NKAIN3: variants seen among roughly 807,000 people sequenced by gnomAD.
NKAIN3 encodes sodium/potassium-transporting ATPase subunit beta-1-interacting protein 3.
In NKAIN3, 25 loss-of-function variants were observed where a neutral mutation model predicts 30.2. That is an observed-to-expected ratio of 0.83 (90% CI 0.60 to 1.16). NKAIN3 has a LOEUF of 1.16. NKAIN3 is among the 50% of genes most tolerant of loss of function. The pLI is 0.00. For synonymous variants in NKAIN3, 91 were observed against 89.6 expected (o/e 1.02, Z -0.09); for missense variants, 225 against 254.1 (o/e 0.89, Z 0.78).
At chr8:62,623,726 T>C (rs899308313) in intron 3 of NKAIN3, among the ~76,000 whole-genome samples, 2 of 152,002 alleles carry the variant, frequency 1.3e-5, no homozygotes, top group African/African-American at 4.8e-5. Flanking sequence ...TCCTCCACTT[T>C]TGAAGGATAA....
intron 1 of NKAIN3, among the ~76,000 whole-genome samples, chr8:62,277,966 C>G (rs1034956196): frequency 6.6e-6 from 1 of 152,004 alleles, no homozygotes; most frequent in African/African-American, 2.4e-5. Context: ...GAACCTGGAG[C>G]CCAACCGGAG....
At chr8:62,465,898 C>T (rs1806147277) in intron 1 of NKAIN3, among the ~76,000 whole-genome samples, 1 of 152,030 alleles carries the variant, frequency 6.6e-6, no homozygotes, top group Non-Finnish European at 1.5e-5. Flanking sequence ...TGGCACACAC[C>T]TGTAATCCCA....
chr8:62,394,941 T>TG (rs1289800506), intron 1 of NKAIN3, among the ~76,000 whole-genome samples: 2 of 143,808 alleles, frequency 1.4e-5, no homozygotes, highest in East Asian at 4.3e-4. Context: ...TCTCAGATGG[T>TG]GGGGCAGCCA....
chr8:62,459,705 G>T (rs1223017152), intron 1 of NKAIN3, among the ~76,000 whole-genome samples: 1 of 152,166 alleles, frequency 6.6e-6, no homozygotes, highest in East Asian at 1.9e-4. Context: ...ATGGGAAAAT[G>T]GAGTATGCAA....
chr8:62,798,324 C>A (rs1023610424), intron 4 of NKAIN3, among the ~76,000 whole-genome samples: 7 of 152,140 alleles, frequency 4.6e-5, no homozygotes, highest in African/African-American at 1.7e-4. Context: ...GTAATCCCAG[C>A]ACTTTGGGAG....
chr8:62,885,817 T>C (rs1220241946), intron 4 of NKAIN3, among the ~76,000 whole-genome samples: 1 of 152,214 alleles, frequency 6.6e-6, no homozygotes, highest in African/African-American at 2.4e-5. Flanking sequence ...TTCTTTTGAT[T>C]AATGTTAACA....
At chr8:62,408,949 C>G (rs747503165) in intron 1 of NKAIN3, among the ~76,000 whole-genome samples, 55 of 152,186 alleles carry the variant, frequency 3.6e-4, no homozygotes, top group Non-Finnish European at 6.6e-4. Flanking sequence ...TGTCAAGACC[C>G]ATCTGAAAAC....
chr8:62,258,222 A>C (rs771114359), intron 1 of NKAIN3, among the ~76,000 whole-genome samples: 24 of 152,190 alleles, frequency 1.6e-4, no homozygotes, highest in Non-Finnish European at 2.5e-4. Context: ...ACATTAATAA[A>C]AACATTGCAT....
intron 1 of NKAIN3, among the ~76,000 whole-genome samples, chr8:62,576,035 C>T (rs746283885): frequency 3.3e-5 from 5 of 152,050 alleles, no homozygotes; most frequent in Non-Finnish European, 5.9e-5. Flanking sequence ...ACTAGGGAAA[C>T]TCTCCAGGTC....
chr8:62,280,169 T>G (rs1813127869), intron 1 of NKAIN3, among the ~76,000 whole-genome samples: 1 of 92,978 alleles, frequency 1.1e-5, no homozygotes, highest in Non-Finnish European at 2.5e-5. Flanking sequence ...GATTTGGCTC[T>G]CTGTTTGTCT....
chr8:62,378,311 GT>G (rs1358448436), intron 1 of NKAIN3, among the ~76,000 whole-genome samples: 4 of 152,180 alleles, frequency 2.6e-5, no homozygotes, highest in African/African-American at 9.7e-5. Context: ...GATCATAAAA[GT>G]TTGAAAAATT....
At chr8:62,925,527 G>T (rs554638862) in intron 5 of NKAIN3, among the ~76,000 whole-genome samples, 24 of 152,260 alleles carry the variant, frequency 1.6e-4, no homozygotes, top group Middle Eastern at 3.4e-3. Flanking sequence ...AAAAACTTGA[G>T]ACCAGCAAGC....
chr8:62,708,222 C>T (rs1160153366), intron 3 of NKAIN3, among the ~76,000 whole-genome samples: 1 of 151,998 alleles, frequency 6.6e-6, no homozygotes, highest in Admixed American at 6.6e-5. Context: ...TTTTTTGATA[C>T]CATATGAAGT....
intron 3 of NKAIN3, among the ~76,000 whole-genome samples, chr8:62,709,354 C>T (rs562313181): frequency 9.9e-5 from 15 of 152,076 alleles, no homozygotes; most frequent in Non-Finnish European, 2.2e-4. Context: ...TGGTCCTGGA[C>T]TTTCCTTTGC....
At chr8:62,484,828 A>C (rs1243943123) in intron 1 of NKAIN3, among the ~76,000 whole-genome samples, 2 of 152,190 alleles carry the variant, frequency 1.3e-5, no homozygotes, top group Admixed American at 1.3e-4. Context: ...GGTGTCTTCC[A>C]TCACAGCAAG....
rs936670400 is a variant in NKAIN3, at chr8:62,670,990, G to A, written c.274-75942G>A. Among the ~76,000 whole-genome samples the A allele has an allele frequency of 3.3e-5, 5 of 152,008 alleles. No individual in the cohort carries two copies. The East Asian group carries it at 5.8e-4, about 18-fold the overall frequency. ...AAAATTGAACATTTACAGTGAACTT[G>A]TGTGAAAAAATAGTGGCATGACAGA... On this transcript the variant is annotated intron_variant, in intron 3 of 6. Coordinates refer to ENST00000623646, the MANE Select transcript of NKAIN3 (RefSeq NM_001304533.3).
At chr8:62,600,892 A>G (rs188458394) in intron 3 of NKAIN3, among the ~76,000 whole-genome samples, 26 of 152,100 alleles carry the variant, frequency 1.7e-4, no homozygotes, top group Non-Finnish European at 3.5e-4. Context: ...CTTATTACTT[A>G]CCTTGAATTG....
chr8:62,888,480 G>A (rs879271217), intron 4 of NKAIN3, among the ~76,000 whole-genome samples: 4 of 152,126 alleles, frequency 2.6e-5, no homozygotes, highest in Non-Finnish European at 5.9e-5. Flanking sequence ...TTTCTACCCG[G>A]TTTAGGTTTC....
intron 5 of NKAIN3, among the ~76,000 whole-genome samples, chr8:62,942,221 T>TAC (rs1232989942): frequency 5.8e-5 from 2 of 34,214 alleles, no homozygotes; most frequent in Admixed American, 2.5e-4. Context: ...TACACATATA[T>TAC]ATACATATAT....
Sources: gnomAD v4.1 joint callset for allele counts (sites outside exome capture counted in the v4.1 genomes callset) on GRCh38, gnomAD v4.1.1 for gene constraint, MANE v1.5 for transcripts, NCBI Gene and HGNC (gene_info 2026-07-23, HGNC 2026-07-21) for gene names.